The following LRBA variants were observed in gnomAD, a reference collection of about 807,000 sequenced individuals.
The protein encoded by LRBA is LPS responsive beige-like anchor protein.
In LRBA, 176 loss-of-function variants were observed where a neutral mutation model predicts 330.0. That is an observed-to-expected ratio of 0.53 (90% CI 0.47 to 0.60). LRBA has a LOEUF of 0.60. Ranked by LOEUF, LRBA falls within the 20% of genes least tolerant of loss-of-function variation. The probability of loss-of-function intolerance (pLI) is 0.00; values close to 1 mark genes in which losing one functional copy is unlikely to be tolerated. For missense variants in LRBA, 3,259 were observed against 3,444.8 expected, an observed-to-expected ratio of 0.95 and a Z score of 1.35; for synonymous variants, 1,230 against 1,193.0, an observed-to-expected ratio of 1.03 and a Z score of -0.64.
chr4:150,773,208 G>A (rs1736818611), intron 34 of LRBA, among the ~76,000 whole-genome samples: 1 of 152,176 alleles, frequency 6.6e-6, no homozygotes, highest in African/African-American at 2.4e-5. Flanking sequence ...GGACGACTGT[G>A]ATTTCTCTGT....
At chr4:150,732,957 T>A (rs368979669) in intron 36 of LRBA, among the ~76,000 whole-genome samples, 9 of 152,072 alleles carry the variant, frequency 5.9e-5, no homozygotes, top group African/African-American at 1.9e-4. Flanking sequence ...GGCAAGTATA[T>A]CCCATTACTT....
At position 150,852,499 on chromosome 4, in the gene LRBA, C is replaced by A. The variant is rs1750733168; in HGVS notation, c.3211G>T (p.Asp1071Tyr). The A allele has an allele frequency of 6.2e-7, 1 of 1,613,702 alleles. No homozygotes were observed. Residue 1071 changes from aspartate (D) to tyrosine (Y), a missense_variant, in exon 23 of 57, where the codon GAT becomes TAT. Coordinates refer to ENST00000651943, the MANE Select transcript of LRBA (RefSeq NM_001364905.1). ...SSNSFITTGK[D>Y]SMTVSEVTAS... ...GTTACTTCACTGACAGTCATTGAAT[C>A]TTTGCCAGTTGTTATAAAAGAATTA... is the stretch of plus-strand genomic sequence containing the variant.
chr4:150,351,825 C>T (rs1737229376), intron 47 of LRBA, among the ~76,000 whole-genome samples: 1 of 152,130 alleles, frequency 6.6e-6, no homozygotes, highest in Admixed American at 6.5e-5. Flanking sequence ...ATGTTTTTTC[C>T]TATACATAAA....
At chr4:150,384,032 TTTTA>T (rs372686839) in intron 47 of LRBA, among the ~76,000 whole-genome samples, 3 of 151,710 alleles carry the variant, frequency 2.0e-5, no homozygotes, top group Non-Finnish European at 4.4e-5. Context: ...TATTTTTATT[TTTTA>T]TTTATTTATT....
At chr4:150,504,412 A>C (rs989202013) in intron 40 of LRBA, among the ~76,000 whole-genome samples, 1 of 152,270 alleles carries the variant, frequency 6.6e-6, no homozygotes, top group Admixed American at 6.5e-5. Context: ...AAACTCTACA[A>C]GCCAGAAGAG....
intron 34 of LRBA, among the ~76,000 whole-genome samples, chr4:150,797,273 A>G (rs1300684659): frequency 6.6e-6 from 1 of 151,916 alleles, no homozygotes; most frequent in African/African-American, 2.4e-5. Context: ...GTAAACCATG[A>G]GAGTTGTAAA....
At chr4:150,863,496 T>A (rs182769746) in intron 22 of LRBA, among the ~76,000 whole-genome samples, 535 of 152,234 alleles carry the variant, frequency 3.5e-3, no homozygotes, top group Middle Eastern at 6.8e-3. Flanking sequence ...ACACCGTCTC[T>A]ACTAAAAATA....
intron 36 of LRBA, among the ~76,000 whole-genome samples, chr4:150,729,874 C>A (rs1166753219): frequency 6.6e-6 from 1 of 152,086 alleles, no homozygotes; most frequent in Non-Finnish European, 1.5e-5. Flanking sequence ...AACAAAGGTG[C>A]CAAGAACAAA....
intron 36 of LRBA, among the ~76,000 whole-genome samples, chr4:150,715,476 G>A (rs962197446): frequency 6.6e-6 from 1 of 152,090 alleles, no homozygotes; most frequent in Non-Finnish European, 1.5e-5. Flanking sequence ...AAACTGCAAA[G>A]AAAAATGTTC....
At chr4:150,954,137 T>G (rs1299479397) in intron 2 of LRBA, among the ~76,000 whole-genome samples, 14 of 145,086 alleles carry the variant, frequency 9.6e-5, no homozygotes, top group Non-Finnish European at 2.1e-4. Flanking sequence ...AGCCGCCCCG[T>G]CGGGGAGGTG....
At chr4:150,267,765 A>G (rs1047620671) in intron 56 of LRBA, among the ~76,000 whole-genome samples, 3 of 152,178 alleles carry the variant, frequency 2.0e-5, no homozygotes, top group African/African-American at 7.2e-5. Context: ...CTCTAGCTAG[A>G]CTAAGATGAC....
rs539073726 is a variant in LRBA at position 150,684,759 on chromosome 4, T to C, written c.5755-1042A>G. Among the ~76,000 whole-genome samples the C allele has an allele frequency of 4.2e-3, 644 of 152,134 alleles. 4 individuals are homozygous for C. Among genetic ancestry groups the C allele is most frequent in the African/African-American group, 0.015 (623 of 41,530 alleles). ...GTCCTCTCCCCCACCCCCACACACA[T>C]ATCCTTTGATAGATAAGTAACATAA... On this transcript the variant is annotated intron_variant, in intron 36 of 56. Transcript: ENST00000651943.
intron 48 of LRBA, among the ~76,000 whole-genome samples, chr4:150,333,011 AATAT>A (rs1348565066): frequency 6.6e-6 from 1 of 152,138 alleles, no homozygotes; most frequent in Non-Finnish European, 1.5e-5. Flanking sequence ...AAAAAGAGAC[AATAT>A]ATATAGAGAG....
chr4:150,880,390 C>T (rs1316508086), intron 17 of LRBA, among the ~76,000 whole-genome samples: 1 of 152,068 alleles, frequency 6.6e-6, no homozygotes, highest in Non-Finnish European at 1.5e-5. Context: ...CATGGTGGCA[C>T]ATGCCTGTAA....
chr4:150,512,213 C>T (rs958925433), intron 40 of LRBA, among the ~76,000 whole-genome samples: 5 of 152,066 alleles, frequency 3.3e-5, no homozygotes, highest in African/African-American at 9.7e-5. Flanking sequence ...TATTTCAGCC[C>T]CTGGTAAGGG....
intron 37 of LRBA, among the ~76,000 whole-genome samples, chr4:150,652,867 G>A (rs1326166487): frequency 6.6e-6 from 1 of 152,100 alleles, no homozygotes; most frequent in Non-Finnish European, 1.5e-5. Flanking sequence ...TTCCTTTTTG[G>A]TGATGTTAAT....
intron 37 of LRBA, among the ~76,000 whole-genome samples, chr4:150,674,734 G>A (rs1195801069): frequency 6.6e-6 from 1 of 151,266 alleles, no homozygotes. Context: ...AATTAGTCGG[G>A]CATGGTGTCA....
chr4:150,603,791 A>G (rs2126536548), intron 37 of LRBA, among the ~76,000 whole-genome samples: 1 of 152,258 alleles, frequency 6.6e-6, no homozygotes, highest in South Asian at 2.1e-4. Context: ...CAAGCCACTG[A>G]GCTTGGCTGG....
At chr4:150,323,830 A>T (rs1184969904) in intron 49 of LRBA, among the ~76,000 whole-genome samples, 1 of 152,232 alleles carries the variant, frequency 6.6e-6, no homozygotes, top group Non-Finnish European at 1.5e-5. Flanking sequence ...AGCAACTGGT[A>T]AAACAGGGAT....
Sources: gnomAD v4.1 joint callset for allele counts (sites outside exome capture counted in the v4.1 genomes callset) on GRCh38, gnomAD v4.1.1 for gene constraint, MANE v1.5 for transcripts, NCBI Gene and HGNC (gene_info 2026-07-23, HGNC 2026-07-21) for gene names.